Variants in ZBTB10 observed in about 807,000 individuals in gnomAD.
The protein encoded by ZBTB10 is zinc finger and BTB domain containing 10.
A neutral mutation model predicts 76.4 loss-of-function variants in ZBTB10; 32 were observed. The observed-to-expected ratio is 0.42, with a 90% CI of 0.32 to 0.56. The LOEUF is 0.56. Ranked by LOEUF, ZBTB10 falls within the 20% of genes least tolerant of loss-of-function variation. ZBTB10 has a pLI of 0.14. For synonymous variants in ZBTB10, 523 were observed against 432.9 expected, an observed-to-expected ratio of 1.21 and a Z score of -2.58; for missense variants, 1,057 against 1,098.5, an observed-to-expected ratio of 0.96 and a Z score of 0.53.
intron 1 of ZBTB10, among the ~76,000 whole-genome samples, chr8:80,493,196 C>CGCGCGCGT (rs1554551214): frequency 9.4e-6 from 1 of 106,774 alleles, no homozygotes; most frequent in Admixed American, 9.1e-5. Flanking sequence ...CCTCAAAACG[C>CGCGCGCGT]GCGCGCGCGC....
At chr8:80,519,143 G>C in intron 5 of ZBTB10, 80 bp from the exon 6 acceptor site, 3 of 1,460,706 alleles carry the variant, frequency 2.1e-6, no homozygotes, top group Non-Finnish European at 2.8e-6. Context: ...ACTATTAAAT[G>C]TGTGGTTTAA....
At chr8:80,517,871 C>CTTTTTTTTTTTTTTTTTTTTTTTT (rs773074047) in intron 3 of ZBTB10, among the ~76,000 whole-genome samples, 7 of 76,840 alleles carry the variant, frequency 9.1e-5, no homozygotes, top group Admixed American at 1.6e-4. Context: ...CGCCCGCCAC[C>CTTTTTTTTTTTTTTTTTTTTTTTT]TTTTTTTTTT....
intron 2 of ZBTB10, among the ~76,000 whole-genome samples, chr8:80,504,872 A>G (rs141120058): frequency 6.6e-6 from 1 of 152,344 alleles, no homozygotes; most frequent in Admixed American, 6.5e-5. Context: ...ACAGATAACT[A>G]GTGCCTAAAT....
At chr8:80,506,801 G>T (rs1816068475) in intron 2 of ZBTB10, among the ~76,000 whole-genome samples, 1 of 152,076 alleles carries the variant, frequency 6.6e-6, no homozygotes, top group Non-Finnish European at 1.5e-5. Flanking sequence ...CAGATTTATG[G>T]ATCTGAATTA....
At chr8:80,491,191 C>T (rs1344283969) in intron 1 of ZBTB10, among the ~76,000 whole-genome samples, 2 of 152,118 alleles carry the variant, frequency 1.3e-5, no homozygotes, top group African/African-American at 4.8e-5. Flanking sequence ...ATAAGGTGTG[C>T]CATATTTTTA....
rs1319507240 is a variant in ZBTB10 at position 80,522,957 on chromosome 8, A to C, written c.*3429A>C. 2.0e-5 allele frequency: 3 copies of C among 151,808 alleles called. No homozygotes were observed. The highest frequency in any genetic ancestry group is 7.2e-5 in the African/African-American group (3 of 41,392). The allele number at this position is 151,808 out of a possible 1,614,324, so 9.4% of individuals were successfully genotyped here. ...TTTAAAACTTTAGTAAGCTTTATTT[A>C]TATTTTTTAGGATTTTCTGAACATA... On this transcript the variant is annotated 3_prime_UTR_variant, in exon 6 of 6. Transcript: ENST00000455036.
chr8:80,500,493 T>C, intron 2 of ZBTB10, 111 bp downstream of exon 2: 1 of 1,166,352 alleles, frequency 8.6e-7, no homozygotes, highest in Non-Finnish European at 1.2e-6. Context: ...AATACTAAAG[T>C]TGTTTACAAA....
intron 5 of ZBTB10, 41 bp from the exon 6 acceptor site, chr8:80,519,178 TTATA>T (rs1816398859): frequency 1.1e-5 from 17 of 1,562,314 alleles, no homozygotes; most frequent in Non-Finnish European, 1.5e-5. Context: ...ATGCATTCTA[TTATA>T]TATAATATCC....
At chr8:80,493,482 G>A (rs563416436) in intron 1 of ZBTB10, among the ~76,000 whole-genome samples, 2 of 152,150 alleles carry the variant, frequency 1.3e-5, no homozygotes, top group South Asian at 4.2e-4. Context: ...GTGTATGTGG[G>A]TTTAGAGTTT....
rs761304036 is a variant in ZBTB10, at chr8:80,500,264, A to G, written c.1743A>G (p.Thr581=). ...TGKTRRKNQT[T]KRFIYNIPPN... is the part of the protein sequence containing the mutation. ...AAACAAGGAGGAAAAACCAAACTAC[A>G]AAAAGATTTATTTATAATATTCCAC... The change falls in exon 2 of 6, where the codon ACA becomes ACG. Residue 581 remains threonine, a synonymous_variant. Transcript: ENST00000455036. 20 of 1,578,548 alleles carry G rather than the reference A, an allele frequency of 1.3e-5. No individual in the cohort carries two copies. In the South Asian group the frequency reaches 2.2e-4, roughly 17 times the overall value.
chr8:80,496,035 T>C (rs1326366919), intron 1 of ZBTB10, among the ~76,000 whole-genome samples: 2 of 152,208 alleles, frequency 1.3e-5, no homozygotes, highest in African/African-American at 4.8e-5. Flanking sequence ...GTCACTACAT[T>C]TGAAAAGACC....
rs1477072563 is a variant in ZBTB10, at chr8:80,487,650, A to G, written c.840A>G (p.Ala280=). ...MSCGWCQKTP[A]DGGSVDLPPV... The stretch of plus-strand genomic sequence containing the variant: ...GCGGCTGGTGCCAAAAGACCCCTGC[A>G]GATGGGGGAAGCGTGGACCTTCCCC... Residue 280 remains alanine, a synonymous_variant, in exon 1 of 6, where the codon GCA becomes GCG. Transcript: ENST00000455036. 3 of 1,613,940 alleles carry G rather than the reference A, an allele frequency of 1.9e-6. No homozygotes were observed. The Admixed American group carries it at 5.0e-5, about 27-fold the overall frequency.
rs929439760 is a variant in ZBTB10 at position 80,504,724 on chromosome 8, A to G, written c.1861+4342A>G. On this transcript the variant is annotated intron_variant, in intron 2 of 5. Coordinates refer to ENST00000455036, the MANE Select transcript of ZBTB10 (RefSeq NM_001105539.3). ...AAAATCTGGGTAATCAAATAAGGGT[A>G]AAAATGATGTCGTGAGTGAATTGCT... Among the ~76,000 whole-genome samples the G allele has an allele frequency of 2.6e-5, 4 of 152,232 alleles. No individual in the cohort carries two copies. The East Asian group carries it at 7.7e-4, about 29-fold the overall frequency.
chr8:80,524,845 AG>A lies in ZBTB10; in HGVS notation c.*5318del, dbSNP rs1816525480. The A allele has an allele frequency of 6.6e-6, 1 of 152,116 alleles. No individual in the cohort carries two copies. The highest frequency in any genetic ancestry group is 1.5e-5 in the Non-Finnish European group (1 of 67,978). The allele number at this position is 152,116 out of a possible 1,614,324, so 9.4% of individuals were successfully genotyped here. On this transcript the variant is annotated 3_prime_UTR_variant, in exon 6 of 6. Coordinates refer to ENST00000455036, the MANE Select transcript of ZBTB10 (RefSeq NM_001105539.3). The stretch of plus-strand genomic sequence containing the variant: ...GCTTCAGAAAAAGGTCTACCACTGG[AG>A]ATAACGCTATGAAAAGTGAAAGAGA...
intron 1 of ZBTB10, among the ~76,000 whole-genome samples, chr8:80,496,733 T>C (rs900746588): frequency 1.3e-5 from 2 of 152,260 alleles, no homozygotes; most frequent in Admixed American, 1.3e-4. Context: ...AGCCACCTCC[T>C]GAAGTGTTTT....
At chr8:80,489,564 T>C (rs1419218009) in intron 1 of ZBTB10, among the ~76,000 whole-genome samples, 2 of 152,326 alleles carry the variant, frequency 1.3e-5, no homozygotes, top group East Asian at 3.9e-4. Flanking sequence ...ATTAGCTCCT[T>C]TAGTGAACCT....
At position 80,514,264 on chromosome 8, in the gene ZBTB10, T is replaced by A. The variant is rs187909424; in HGVS notation, c.1960+256T>A. On this transcript the variant is annotated intron_variant, in intron 3 of 5. Transcript: ENST00000455036. ...AAAAAGTAATTGAGTTAATATGGCT[T>A]ATGGCTTCCTGCTGGTATATAGATA... 3.6e-3 allele frequency among the ~76,000 whole-genome samples: 551 copies of A among 152,334 alleles called. 5 individuals are homozygous for A. The highest frequency in any genetic ancestry group is 0.012 in the African/African-American group (498 of 41,576).
chr8:80,489,319 A>G (rs182031448), intron 1 of ZBTB10, among the ~76,000 whole-genome samples: 158 of 152,340 alleles, frequency 1.0e-3, no homozygotes, highest in African/African-American at 3.7e-3. Flanking sequence ...TTCCCATTTT[A>G]CAGAAGAGGA....
Position 80,501,347 on chromosome 8 carries a change from C to T in ZBTB10, c.1861+965C>T, listed in dbSNP as rs146954431. On this transcript the variant is annotated intron_variant, in intron 2 of 5. Transcript: ENST00000455036. ...ATTTACAGTGGGAATTTTTTTAAAACGAGAAGACCATTGTTAAGTCTTTAG... is the reference window on the plus strand; with the variant it reads ...ATTTACAGTGGGAATTTTTTTAAAATGAGAAGACCATTGTTAAGTCTTTAG... Among the ~76,000 whole-genome samples, 843 of 152,256 alleles carry T rather than the reference C, an allele frequency of 5.5e-3. 11 individuals carry two copies. The highest frequency in any genetic ancestry group is 0.019 in the African/African-American group (803 of 41,538).
Sources: allele counts gnomAD v4.1 joint callset (sites outside exome capture counted in the v4.1 genomes callset), GRCh38; gene constraint gnomAD v4.1.1; transcripts MANE v1.5; gene names NCBI Gene and HGNC (gene_info 2026-07-23, HGNC 2026-07-21).